CPA6: variants seen among roughly 807,000 people sequenced by gnomAD.
The protein encoded by CPA6 is carboxypeptidase B.
A neutral mutation model predicts 63.3 loss-of-function variants in CPA6; 58 were observed. The ratio of observed to expected loss-of-function variants is 0.92; its 90% CI spans 0.74 to 1.14. The LOEUF (loss-of-function observed/expected upper bound fraction) is 1.14, where lower values mean the gene tolerates loss of function less well. Among genes scored for constraint, CPA6 ranks in the 50% most tolerant of loss-of-function variants. The pLI is 0.00. For synonymous variants in CPA6, 185 were observed against 179.0 expected, an observed-to-expected ratio of 1.03 and a Z score of -0.27; for missense variants, 565 against 526.6, an observed-to-expected ratio of 1.07 and a Z score of -0.71.
At chr8:67,540,429 G>A (rs923445664) in intron 2 of CPA6, among the ~76,000 whole-genome samples, 1 of 152,184 alleles carries the variant, frequency 6.6e-6, no homozygotes, top group Non-Finnish European at 1.5e-5. Flanking sequence ...TCTCCTGTAT[G>A]AGGTGTCTGT....
chr8:67,561,226 A>G (rs956513305), intron 2 of CPA6, among the ~76,000 whole-genome samples: 3 of 152,154 alleles, frequency 2.0e-5, no homozygotes, highest in Non-Finnish European at 4.4e-5. Context: ...GGTTCCAGGA[A>G]CTCCACTAGG....
At chr8:67,463,268 ACT>A in intron 8 of CPA6, among the ~76,000 whole-genome samples, 1 of 151,960 alleles carries the variant, frequency 6.6e-6, no homozygotes. Context: ...ACATGGTGAA[ACT>A]CTGTCTCCAC....
At chr8:67,498,442 A>G (rs2128963356) in intron 6 of CPA6, among the ~76,000 whole-genome samples, 1 of 147,682 alleles carries the variant, frequency 6.8e-6, no homozygotes, top group South Asian at 2.2e-4. Context: ...AGGCTGAGGC[A>G]GGAGTATTGC....
chr8:67,474,812 T>C (rs918739093), intron 8 of CPA6, among the ~76,000 whole-genome samples: 3 of 151,980 alleles, frequency 2.0e-5, no homozygotes, highest in Admixed American at 6.6e-5. Flanking sequence ...TCTATCTCTA[T>C]GAAAAATAAA....
intron 1 of CPA6, among the ~76,000 whole-genome samples, chr8:67,625,611 G>T (rs1815177886): frequency 6.6e-6 from 1 of 152,198 alleles, no homozygotes; most frequent in African/African-American, 2.4e-5. Flanking sequence ...AAAGGAGATT[G>T]CTGAGAGTAA....
chr8:67,493,887 G>T (rs539493137), intron 6 of CPA6, among the ~76,000 whole-genome samples: 1 of 151,890 alleles, frequency 6.6e-6, no homozygotes, highest in African/African-American at 2.4e-5. Context: ...TTCCATTTCA[G>T]GCCATTTTAG....
chr8:67,743,049 AAC>A (rs982998555), intron 1 of CPA6, among the ~76,000 whole-genome samples: 2 of 152,224 alleles, frequency 1.3e-5, no homozygotes, highest in African/African-American at 4.8e-5. Context: ...GAAAAAGAGA[AAC>A]ACAGAATGAT....
chr8:67,592,290 A>C (rs1814151590), intron 2 of CPA6, among the ~76,000 whole-genome samples: 1 of 152,186 alleles, frequency 6.6e-6, no homozygotes, highest in African/African-American at 2.4e-5. Context: ...TCCGTTTGCC[A>C]GTATTTTATT....
intron 3 of CPA6, among the ~76,000 whole-genome samples, chr8:67,516,455 C>T (rs1179258819): frequency 1.3e-5 from 2 of 152,136 alleles, no homozygotes; most frequent in Non-Finnish European, 2.9e-5. Flanking sequence ...CCAAGATTTC[C>T]CCCTACACAA....
chr8:67,662,522 C>T (rs185852553), intron 1 of CPA6, among the ~76,000 whole-genome samples: 14 of 116,920 alleles, frequency 1.2e-4, no homozygotes, highest in African/African-American at 3.2e-4. Context: ...TACATACACA[C>T]GTATATGTAT....
At chr8:67,519,059 C>T (rs981837858) in intron 2 of CPA6, among the ~76,000 whole-genome samples, 3 of 152,180 alleles carry the variant, frequency 2.0e-5, no homozygotes, top group African/African-American at 7.2e-5. Flanking sequence ...TGGAACAGTG[C>T]CTTGTGTAAA....
At chr8:67,723,912 A>G (rs1817550197) in intron 1 of CPA6, among the ~76,000 whole-genome samples, 1 of 152,206 alleles carries the variant, frequency 6.6e-6, no homozygotes, top group Non-Finnish European at 1.5e-5. Context: ...GTGGATTTGA[A>G]TTATAACCAT....
Position 67,506,843 on chromosome 8 carries a change from C to A in CPA6, c.580G>T (p.Gly194Cys). The change falls in exon 6 of 11, where the codon GGT (glycine) becomes TGT (cysteine). Residue 194 changes from glycine (G) to cysteine (C), a missense_variant. By Grantham distance (159) the Gly-to-Cys change is radical. Transcript: ENST00000297770. The part of the protein sequence containing the change: ...RLKRAVWIDC[G>C]IHAREWIGPA... ...CCAATCCATTCTCTTGCATGAATACCACAGTCTATCCAAACAGCTCTTTTG... is the reference window on the plus strand; with the variant it reads ...CCAATCCATTCTCTTGCATGAATACAACAGTCTATCCAAACAGCTCTTTTG... The A allele has an allele frequency of 1.2e-6, 2 of 1,613,660 alleles. No individual in the cohort carries two copies. Among genetic ancestry groups the A allele is most frequent in the Non-Finnish European group, 1.7e-6 (2 of 1,179,702 alleles).
At chr8:67,485,033 G>A (rs113312340) in intron 6 of CPA6, among the ~76,000 whole-genome samples, 48 of 152,286 alleles carry the variant, frequency 3.2e-4, no homozygotes, top group Admixed American at 5.2e-4. Flanking sequence ...CCTCTTAATC[G>A]TAATTAAGAT....
intron 6 of CPA6, among the ~76,000 whole-genome samples, chr8:67,493,155 G>A (rs1208749181): frequency 6.6e-6 from 1 of 152,124 alleles, no homozygotes; most frequent in Non-Finnish European, 1.5e-5. Context: ...GGGCTTAGTA[G>A]CTGTCTCAAT....
At chr8:67,546,399 C>G (rs532680190) in intron 2 of CPA6, among the ~76,000 whole-genome samples, 14 of 152,216 alleles carry the variant, frequency 9.2e-5, no homozygotes, top group Non-Finnish European at 2.1e-4. Flanking sequence ...GAATAAAACT[C>G]TACTGTCCCT....
At chr8:67,526,050 G>T (rs536490664) in intron 2 of CPA6, among the ~76,000 whole-genome samples, 1 of 152,280 alleles carries the variant, frequency 6.6e-6, no homozygotes, top group South Asian at 2.1e-4. Context: ...TCGCTCATTA[G>T]CTTGTTGCAA....
chr8:67,478,153 A>G (rs1811283000), intron 8 of CPA6, among the ~76,000 whole-genome samples: 1 of 152,178 alleles, frequency 6.6e-6, no homozygotes. Context: ...TTAATCAAGC[A>G]TGCCCACATG....
intron 1 of CPA6, among the ~76,000 whole-genome samples, chr8:67,627,796 G>A (rs763228513): frequency 6.6e-6 from 1 of 152,142 alleles, no homozygotes; most frequent in Non-Finnish European, 1.5e-5. Context: ...TAAAGCCCAC[G>A]TTGAGTTTGG....
Sources: allele counts gnomAD v4.1 joint callset (sites outside exome capture counted in the v4.1 genomes callset), GRCh38; gene constraint gnomAD v4.1.1; transcripts MANE v1.5; gene names NCBI Gene and HGNC (gene_info 2026-07-23, HGNC 2026-07-21).